IGF2BP2: variants seen among roughly 807,000 people sequenced by gnomAD.
IGF2BP2 encodes the protein insulin like growth factor 2 mRNA binding protein 2.
A neutral mutation model predicts 75.8 loss-of-function variants in IGF2BP2; 17 were observed. The ratio of observed to expected loss-of-function variants is 0.22; its 90% CI spans 0.15 to 0.34. The LOEUF is 0.34. IGF2BP2 is among the 10% of genes least tolerant of loss of function. IGF2BP2 has a pLI of 1.00. For synonymous variants in IGF2BP2, 288 were observed against 295.6 expected (o/e 0.97, Z 0.26); for missense variants, 516 against 772.4 (o/e 0.67, Z 3.93).
At chr3:185,716,558 G>A (rs1487492418) in intron 2 of IGF2BP2, 1 of 520,012 alleles carries the variant, frequency 1.9e-6, no homozygotes, top group Non-Finnish European at 3.8e-6. Context: ...CAAGACTGCT[G>A]GGCTGGCCAC....
chr3:185,815,805 G>A (rs564711527), intron 2 of IGF2BP2, among the ~76,000 whole-genome samples: 6 of 152,174 alleles, frequency 3.9e-5, no homozygotes, highest in African/African-American at 7.2e-5. Flanking sequence ...TAAAGGAAAC[G>A]AAGATAAATG....
intron 10 of IGF2BP2, among the ~76,000 whole-genome samples, chr3:185,665,359 A>AAGGAGGAGGAGG (rs1717247485): frequency 3.2e-5 from 2 of 62,782 alleles, no homozygotes; most frequent in Admixed American, 1.6e-4. Context: ...GGAGGAGGAG[A>AAGGAGGAGGAGG]AGGAGGAGGA....
intron 10 of IGF2BP2, among the ~76,000 whole-genome samples, chr3:185,669,785 A>G (rs1001411465): frequency 6.6e-6 from 1 of 152,190 alleles, no homozygotes; most frequent in African/African-American, 2.4e-5. Flanking sequence ...ATGTGACAGG[A>G]AAACAATACT....
At chr3:185,718,684 CAAAAAAAAAAAAA>C (rs10699427) in intron 2 of IGF2BP2, among the ~76,000 whole-genome samples, 2 of 49,516 alleles carry the variant, frequency 4.0e-5, no homozygotes, top group Admixed American at 5.8e-4. Flanking sequence ...GACTCTGTCT[CAAAAAAAAAAAAA>C]AAAAAAAAAA....
At chr3:185,775,725 T>C (rs1311382081) in intron 2 of IGF2BP2, among the ~76,000 whole-genome samples, 3 of 152,154 alleles carry the variant, frequency 2.0e-5, no homozygotes, top group East Asian at 1.9e-4. Flanking sequence ...TCACTGACTG[T>C]AGGACAAAGG....
intron 2 of IGF2BP2, among the ~76,000 whole-genome samples, chr3:185,702,608 C>T (rs191727456): frequency 5.1e-4 from 77 of 152,212 alleles, no homozygotes; most frequent in African/African-American, 1.6e-3. Context: ...CTATTACAGC[C>T]GTCTCCCAGC....
chr3:185,818,701 A>G (rs188082585), intron 2 of IGF2BP2, among the ~76,000 whole-genome samples: 3 of 152,320 alleles, frequency 2.0e-5, no homozygotes, highest in East Asian at 3.9e-4. Context: ...AGGACTTGGA[A>G]GAGTGATTCA....
chr3:185,782,608 T>C (rs1208019448), intron 2 of IGF2BP2, among the ~76,000 whole-genome samples: 2 of 152,098 alleles, frequency 1.3e-5, no homozygotes, highest in African/African-American at 4.8e-5. Context: ...TACAAGGTGG[T>C]CACCAAAAAA....
chr3:185,795,827 A>C (rs556354957), intron 2 of IGF2BP2, among the ~76,000 whole-genome samples: 25 of 152,300 alleles, frequency 1.6e-4, no homozygotes, highest in African/African-American at 5.3e-4. Context: ...TGGAGGGTGC[A>C]GTGAGATGAG....
intron 2 of IGF2BP2, among the ~76,000 whole-genome samples, chr3:185,768,390 A>G (rs1467525688): frequency 6.6e-6 from 1 of 152,198 alleles, no homozygotes; most frequent in African/African-American, 2.4e-5. Context: ...CTGATGATGA[A>G]CTACAAACCT....
chr3:185,757,918 A>G (rs11925694), intron 2 of IGF2BP2, among the ~76,000 whole-genome samples: 107,882 of 152,174 alleles, frequency 0.71, 39,246 homozygotes, highest in African/African-American at 0.86. Context: ...GCCCGTGACA[A>G]CAGCTATTTA....
intron 2 of IGF2BP2, among the ~76,000 whole-genome samples, chr3:185,703,271 T>A (rs1240528280): frequency 6.6e-6 from 1 of 152,240 alleles, no homozygotes; most frequent in Non-Finnish European, 1.5e-5. Context: ...CATTTTATAA[T>A]CTGTTATATT....
chr3:185,812,696 A>G (rs1048108162), intron 2 of IGF2BP2, among the ~76,000 whole-genome samples: 2 of 152,196 alleles, frequency 1.3e-5, no homozygotes, highest in Non-Finnish European at 2.9e-5. Flanking sequence ...CTCAACTCCA[A>G]TTCTGTATAT....
intron 2 of IGF2BP2, among the ~76,000 whole-genome samples, chr3:185,779,018 T>C (rs915761415): frequency 1.3e-5 from 2 of 151,446 alleles, no homozygotes; most frequent in Admixed American, 6.6e-5. Context: ...CATCCTCTCT[T>C]GAAAAAGGAA....
At chr3:185,798,817 T>A (rs1347396954) in intron 2 of IGF2BP2, among the ~76,000 whole-genome samples, 3 of 146,280 alleles carry the variant, frequency 2.1e-5, no homozygotes, top group Non-Finnish European at 4.5e-5. Flanking sequence ...TGAGACAGAA[T>A]CTTACTCTGT....
In IGF2BP2 at chr3:185,726,198, A is replaced by G. The variant is rs2149490243; in HGVS notation, c.240-27851T>C. ...GCCAAATGCTACAGAGAGGTGAAAGAGAAGAAAGATTGAGAAAAGGGACTG... is the reference window on the plus strand; with the variant it reads ...GCCAAATGCTACAGAGAGGTGAAAGGGAAGAAAGATTGAGAAAAGGGACTG... On this transcript the variant is annotated intron_variant, in intron 2 of 15. Coordinates refer to ENST00000382199, the MANE Select transcript of IGF2BP2 (RefSeq NM_006548.6). Among the ~76,000 whole-genome samples, 2 of 152,276 alleles carry G rather than the reference A, an allele frequency of 1.3e-5. 1 individual carries two copies. The highest frequency in any genetic ancestry group is 4.8e-5 in the African/African-American group (2 of 41,568).
rs545211332 is a variant in IGF2BP2 at position 185,806,649 on chromosome 3, C to T, written c.239+16504G>A. 4.6e-5 allele frequency among the ~76,000 whole-genome samples: 7 copies of T among 152,256 alleles called. No individual in the cohort carries two copies. In the South Asian group the frequency reaches 1.5e-3, roughly 32 times the overall value. ...AAAACAATGTAGGACATTCTATAGG[C>T]AAAATTCAGAGGTTTGCCTAAGTTT... On this transcript the variant is annotated intron_variant, in intron 2 of 15. Coordinates refer to ENST00000382199, the MANE Select transcript of IGF2BP2 (RefSeq NM_006548.6).
chr3:185,786,573 T>C (rs538031607), intron 2 of IGF2BP2, among the ~76,000 whole-genome samples: 4 of 141,270 alleles, frequency 2.8e-5, no homozygotes, highest in East Asian at 2.0e-4. Context: ...CCCCCTTTGA[T>C]TGTAATTTTC....
At chr3:185,762,256 G>A (rs751622928) in intron 2 of IGF2BP2, among the ~76,000 whole-genome samples, 4 of 151,602 alleles carry the variant, frequency 2.6e-5, no homozygotes, top group South Asian at 2.1e-4. Flanking sequence ...AGCCAGGCAC[G>A]GTGGCTCACA....
Sources: allele counts gnomAD v4.1 joint callset (sites outside exome capture counted in the v4.1 genomes callset), GRCh38; gene constraint gnomAD v4.1.1; transcripts MANE v1.5; gene names NCBI Gene and HGNC (gene_info 2026-07-23, HGNC 2026-07-21).